The following INPP5B variants were observed in gnomAD, a reference collection of about 807,000 sequenced individuals.
INPP5B encodes the protein inositol polyphosphate-5-phosphatase B.
A neutral mutation model predicts 118.5 loss-of-function variants in INPP5B; 90 were observed. That is an observed-to-expected ratio of 0.76 (90% CI 0.64 to 0.90). The LOEUF is 0.90. INPP5B is among the 40% of genes least tolerant of loss of function. The pLI is 0.00. For synonymous variants in INPP5B, 385 were observed against 418.9 expected (o/e 0.92, Z 0.99); for missense variants, 984 against 1,125.6 (o/e 0.87, Z 1.80).
At chr1:37,931,745 G>A (rs201779932) in intron 7 of INPP5B, 168 bp downstream of exon 7, 353 of 1,595,736 alleles carry the variant, frequency 2.2e-4, no homozygotes, top group Admixed American at 3.8e-4. Context: ...TCCTCATCCC[G>A]CCGCCCGTCC....
intron 7 of INPP5B, among the ~76,000 whole-genome samples, chr1:37,895,561 G>A (rs1171191745): frequency 1.4e-5 from 2 of 147,550 alleles, no homozygotes; most frequent in Non-Finnish European, 3.0e-5. Flanking sequence ...CTCTGATGCC[G>A]AGCCGAAGCT....
chr1:37,864,382 G>A lies in INPP5B; in HGVS notation c.2556C>T (p.His852=), dbSNP rs148529004. The change falls in exon 23 of 24, where the codon CAC becomes CAT. Residue 852 remains histidine (H), a synonymous_variant. Coordinates refer to ENST00000373024, the MANE Select transcript of INPP5B (RefSeq NM_005540.3). ...TLPIFHKNVF[H]YLMAFLRELL... is the part of the protein sequence containing the mutation. Reference sequence around the variant, plus strand: ...GTTCTCGCAAAAACGCCATCAAGTAGTGGAAGACATTTTTGTGGAATATGG... The same window carrying A: ...GTTCTCGCAAAAACGCCATCAAGTAATGGAAGACATTTTTGTGGAATATGG... 5 of 1,613,062 alleles carry A rather than the reference G, an allele frequency of 3.1e-6. No individual in the cohort carries two copies. Among genetic ancestry groups the A allele is most frequent in the Admixed American group, 3.3e-5 (2 of 59,970 alleles).
intron 5 of INPP5B, among the ~76,000 whole-genome samples, chr1:37,941,693 C>T (rs983362214): frequency 6.7e-6 from 1 of 150,272 alleles, no homozygotes; most frequent in Non-Finnish European, 1.5e-5. Context: ...AATCCCAGCA[C>T]TTTGGGAGGC....
chr1:37,923,108 C>G (rs1645111915), intron 7 of INPP5B, among the ~76,000 whole-genome samples: 1 of 152,132 alleles, frequency 6.6e-6, no homozygotes, highest in African/African-American at 2.4e-5. Context: ...CCACAAAGCA[C>G]CTTGGGCTAG....
chr1:37,876,703 C>CAA (rs754849945), intron 16 of INPP5B, among the ~76,000 whole-genome samples: 31,124 of 80,600 alleles, frequency 0.39, 6,665 homozygotes, highest in Non-Finnish European at 0.41. Context: ...ACTAAAAATA[C>CAA]AAAAAAAAAA....
At chr1:37,944,023 C>T (rs1646031431) in intron 3 of INPP5B, 130 bp from the exon 4 acceptor site, 1 of 687,644 alleles carries the variant, frequency 1.5e-6, no homozygotes. Flanking sequence ...TGGCTAGGCA[C>T]ACTCCTCATG....
Position 37,931,900 on chromosome 1 carries a change from G to C in INPP5B, c.532+13C>G. On this transcript the variant is annotated intron_variant, in intron 7 of 23. Coordinates refer to ENST00000373024, the MANE Select transcript of INPP5B (RefSeq NM_005540.3). ...CTCCAATCCCCACCGTTTCTTCCGG[G>C]ACGGATACCTGCCTCCGCCAATTGT... The C allele has an allele frequency of 6.2e-7, 1 of 1,613,968 alleles. No individual in the cohort carries two copies. Among genetic ancestry groups the C allele is most frequent in the Admixed American group, 1.7e-5 (1 of 60,022 alleles).
intron 7 of INPP5B, among the ~76,000 whole-genome samples, chr1:37,922,628 G>A (rs1645097040): frequency 6.6e-6 from 1 of 152,184 alleles, no homozygotes; most frequent in African/African-American, 2.4e-5. Flanking sequence ...CCCAGGAGGC[G>A]GAGCTTGCAG....
chr1:37,936,188 C>T (rs1421593654), intron 6 of INPP5B, among the ~76,000 whole-genome samples: 1 of 152,192 alleles, frequency 6.6e-6, no homozygotes, highest in Non-Finnish European at 1.5e-5. Flanking sequence ...CCTCCTGGCT[C>T]AGCTCTCTCC....
At chr1:37,906,141 A>C (rs1644495274) in intron 7 of INPP5B, among the ~76,000 whole-genome samples, 1 of 152,214 alleles carries the variant, frequency 6.6e-6, no homozygotes, top group Non-Finnish European at 1.5e-5. Flanking sequence ...GTTTTCCTTT[A>C]AAGAATCAAA....
intron 5 of INPP5B, among the ~76,000 whole-genome samples, chr1:37,943,031 A>T (rs1031900942): frequency 6.7e-6 from 1 of 149,908 alleles, no homozygotes; most frequent in African/African-American, 2.5e-5. Context: ...ATGGAGTTTC[A>T]CTCTTGTTGC....
chr1:37,896,213 G>A (rs1159813302), intron 7 of INPP5B, among the ~76,000 whole-genome samples: 1 of 149,794 alleles, frequency 6.7e-6, no homozygotes, highest in Non-Finnish European at 1.5e-5. Context: ...CCCCGTCTGA[G>A]AAGTGAGGAG....
At chr1:37,932,093 T>C (rs1645502868) in intron 6 of INPP5B, 40 bp from the exon 7 acceptor site, 1 of 1,520,766 alleles carries the variant, frequency 6.6e-7, no homozygotes, top group Admixed American at 2.1e-5. Context: ...GCCACGAGCT[T>C]GAAGAGCCGG....
intron 13 of INPP5B, chr1:37,883,798 G>A (rs1284398280): frequency 1.0e-6 from 1 of 985,276 alleles, no homozygotes; most frequent in East Asian, 1.1e-4. Context: ...TTCCACCTCG[G>A]CAGGCAGGAC....
At chr1:37,945,729 C>A in intron 3 of INPP5B, 27 bp downstream of exon 3, 1 of 1,568,458 alleles carries the variant, frequency 6.4e-7, no homozygotes. Context: ...ATGGCCCAGA[C>A]AGGTGGGGAC....
chr1:37,868,507 G>C lies in INPP5B; in HGVS notation c.2295C>G (p.Val765=). 6.2e-7 allele frequency: 1 copy of C among 1,610,410 alleles called. No homozygotes were observed. The highest frequency in any genetic ancestry group is 8.5e-7 in the Non-Finnish European group (1 of 1,176,682). ...MMVDYLYRNA[V]QQEDLFQQPG... is the part of the protein sequence containing the mutation. ...ATGCTTAAACACAACCTACCTGCTG[G>C]ACAGCATTTCGGTACAGGTAATCAA... Residue 765 remains valine (V), a synonymous_variant, in exon 20 of 24, where the codon GTC becomes GTG. Coordinates refer to ENST00000373024, the MANE Select transcript of INPP5B (RefSeq NM_005540.3).
intron 7 of INPP5B, among the ~76,000 whole-genome samples, chr1:37,920,310 G>A (rs899416570): frequency 6.6e-6 from 1 of 152,328 alleles, no homozygotes; most frequent in African/African-American, 2.4e-5. Context: ...TTGGAAACAA[G>A]TAATAATAAG....
At chr1:37,900,204 C>A (rs1428069664) in intron 7 of INPP5B, among the ~76,000 whole-genome samples, 1 of 151,110 alleles carries the variant, frequency 6.6e-6, no homozygotes, top group Admixed American at 6.6e-5. Flanking sequence ...GCTTCAGCCT[C>A]CTGCGTAGCT....
intron 7 of INPP5B, among the ~76,000 whole-genome samples, chr1:37,918,157 T>C (rs1644937729): frequency 6.6e-6 from 1 of 152,050 alleles, no homozygotes; most frequent in Admixed American, 6.6e-5. Flanking sequence ...TCCTCCAGGC[T>C]ACCATCTCCT....
Sources: allele counts gnomAD v4.1 joint callset (sites outside exome capture counted in the v4.1 genomes callset), GRCh38; gene constraint gnomAD v4.1.1; transcripts MANE v1.5; gene names NCBI Gene and HGNC (gene_info 2026-07-23, HGNC 2026-07-21).